Variants in DSE observed in about 807,000 individuals in gnomAD.
The protein encoded by DSE is dermatan sulfate epimerase, also known as dermatan-sulfate epimerase.
In DSE, 36 loss-of-function variants were observed where a neutral mutation model predicts 84.4. The observed-to-expected ratio is 0.43, with a 90% CI of 0.33 to 0.56. The LOEUF (loss-of-function observed/expected upper bound fraction) is 0.56, where lower values mean the gene tolerates loss of function less well. Among genes scored for constraint, DSE ranks in the 20% least tolerant of loss-of-function variants. The probability of loss-of-function intolerance (pLI) is 0.06; values close to 1 mark genes in which losing one functional copy is unlikely to be tolerated. For synonymous variants in DSE, 410 were observed against 430.1 expected (o/e 0.95, Z 0.58); for missense variants, 862 against 1,169.6 (o/e 0.74, Z 3.84).
chr6:116,369,016 G>C (rs963489431), upstream of DSE, among the ~76,000 whole-genome samples: 2 of 152,116 alleles, frequency 1.3e-5, no homozygotes, highest in Non-Finnish European at 2.9e-5. Flanking sequence ...AAATTGTGGG[G>C]GGTGTGAGGG....
intron 2 of DSE, among the ~76,000 whole-genome samples, chr6:116,310,372 CT>C (rs560238416): frequency 0.015 from 2,288 of 149,028 alleles, 30 homozygotes; most frequent in Middle Eastern, 0.048. Flanking sequence ...CAAAATAATT[CT>C]TTTTTTTTTC....
intron 2 of DSE, among the ~76,000 whole-genome samples, chr6:116,336,522 G>A (rs557227718): frequency 1.3e-5 from 2 of 152,262 alleles, no homozygotes; most frequent in African/African-American, 4.8e-5. Context: ...TTGGGAGGCC[G>A]AGGCAGGCGG....
chr6:116,322,942 T>C, intron 2 of DSE, among the ~76,000 whole-genome samples: 1 of 152,206 alleles, frequency 6.6e-6, no homozygotes, highest in Non-Finnish European at 1.5e-5. Context: ...AGCATTTTTT[T>C]GCTTCCTGGC....
chr6:116,368,782 T>G (rs987183174), upstream of DSE, among the ~76,000 whole-genome samples: 1 of 152,224 alleles, frequency 6.6e-6, no homozygotes, highest in Non-Finnish European at 1.5e-5. Context: ...TCCTGAGAGC[T>G]TTCCTAATGG....
At chr6:116,303,860 G>A (rs1775183207) in intron 2 of DSE, among the ~76,000 whole-genome samples, 1 of 152,182 alleles carries the variant, frequency 6.6e-6, no homozygotes, top group African/African-American at 2.4e-5. Flanking sequence ...TGGGGGCCCG[G>A]TGCGGTGGCT....
chr6:116,436,795 G>A lies in DSE; in HGVS notation c.2327G>A (p.Arg776His), dbSNP rs375417242. ...NTASFRKTAE[R>H]LLRFSDKRQT... is the part of the protein sequence containing the mutation. Reference sequence around the variant, plus strand: ...GCTAGCTTTAGGAAGACTGCTGAACGCCTGCTGAGATTTTCAGATAAGAGA... The same window carrying A: ...GCTAGCTTTAGGAAGACTGCTGAACACCTGCTGAGATTTTCAGATAAGAGA... The change falls in exon 6 of 6, where the codon CGC (arginine) becomes CAC (histidine). Residue 776 changes from arginine (R) to histidine (H), a missense_variant. By Grantham distance (29) the Arg-to-His change is conservative (BLOSUM62 0). This residue lies in a region of DSE where 315 missense variants were observed against 348.1 expected (regional missense o/e 0.90). Coordinates refer to ENST00000644252, the MANE Select transcript of DSE (RefSeq NM_013352.4). 1.4e-5 allele frequency: 23 copies of A among 1,614,028 alleles called. No individual in the cohort carries two copies. Among genetic ancestry groups the A allele is most frequent in the African/African-American group, 2.7e-5 (2 of 74,914 alleles).
At chr6:116,287,212 A>G (rs185964730) in intron 2 of DSE, among the ~76,000 whole-genome samples, 45 of 152,208 alleles carry the variant, frequency 3.0e-4, no homozygotes, top group African/African-American at 3.4e-4. Flanking sequence ...TCATCAAAAC[A>G]CTTGATAGCA....
intron 3 of DSE, among the ~76,000 whole-genome samples, chr6:116,427,032 A>G (rs1037727331): frequency 6.6e-6 from 1 of 152,216 alleles, no homozygotes; most frequent in Non-Finnish European, 1.5e-5. Context: ...ATTAGCCGGC[A>G]TGTTATCTAA....
chr6:116,320,550 C>T (rs1029044972), intron 2 of DSE, among the ~76,000 whole-genome samples: 4 of 151,942 alleles, frequency 2.6e-5, no homozygotes, highest in African/African-American at 9.7e-5. Flanking sequence ...TATTAGTTTG[C>T]TTGCGCTGCC....
At chr6:116,305,376 C>A (rs1296127567) in intron 2 of DSE, among the ~76,000 whole-genome samples, 1 of 152,008 alleles carries the variant, frequency 6.6e-6, no homozygotes, top group Non-Finnish European at 1.5e-5. Context: ...TAAAAGTTCT[C>A]ACTATTAAAG....
intron 1 of DSE, among the ~76,000 whole-genome samples, chr6:116,396,463 G>T (rs745654043): frequency 6.6e-5 from 10 of 152,154 alleles, no homozygotes; most frequent in Admixed American, 1.3e-4. Context: ...TGATTGTTCT[G>T]CAGAATCTCT....
Position 116,374,360 on chromosome 6 carries a change from A to G in DSE, c.-54+3239A>G, listed in dbSNP as rs528698994. On this transcript the variant is annotated intron_variant, in intron 1 of 5. Coordinates refer to ENST00000644252, the MANE Select transcript of DSE (RefSeq NM_013352.4). ...ATGTGTTTGTGGCAGGCCTTTGAGG[A>G]GAGCCAGAATCTGTGGTAGAGGGAA... Among the ~76,000 whole-genome samples the G allele has an allele frequency of 1.9e-3, 291 of 152,280 alleles. 3 individuals are homozygous for G. Among genetic ancestry groups the G allele is most frequent in the Non-Finnish European group, 3.4e-3 (234 of 68,014 alleles).
intron 2 of DSE, among the ~76,000 whole-genome samples, chr6:116,266,584 A>G (rs1772639017): frequency 6.6e-6 from 1 of 152,232 alleles, no homozygotes. Flanking sequence ...TAGTGAAACT[A>G]GTTTATTTCA....
intron 2 of DSE, among the ~76,000 whole-genome samples, chr6:116,332,972 A>G (rs1777039318): frequency 6.6e-6 from 1 of 152,234 alleles, no homozygotes; most frequent in Non-Finnish European, 1.5e-5. Context: ...AACCACAGTT[A>G]TATACCATCA....
chr6:116,285,207 C>T (rs973293420), intron 2 of DSE, among the ~76,000 whole-genome samples: 4 of 152,158 alleles, frequency 2.6e-5, no homozygotes, highest in African/African-American at 9.7e-5. Context: ...TTAATGATCG[C>T]CATTCTAACT....
intron 2 of DSE, among the ~76,000 whole-genome samples, chr6:116,323,587 A>G (rs1306513950): frequency 6.6e-6 from 1 of 152,126 alleles, no homozygotes; most frequent in Admixed American, 6.5e-5. Flanking sequence ...ATTATGATCT[A>G]TTTTACTCAT....
intron 2 of DSE, among the ~76,000 whole-genome samples, chr6:116,327,788 G>C (rs1029444338): frequency 7.2e-5 from 11 of 152,004 alleles, no homozygotes; most frequent in Admixed American, 6.6e-4. Flanking sequence ...TAATTTTGAG[G>C]GCAGTTGAAA....
At chr6:116,403,334 A>G (rs1409732358) in intron 2 of DSE, among the ~76,000 whole-genome samples, 3 of 152,036 alleles carry the variant, frequency 2.0e-5, no homozygotes, top group Admixed American at 1.3e-4. Flanking sequence ...ATTTTAATCC[A>G]ATATATAATG....
chr6:116,259,703 T>C (rs192628224), intron 2 of DSE, among the ~76,000 whole-genome samples: 209 of 152,356 alleles, frequency 1.4e-3, no homozygotes, highest in African/African-American at 4.6e-3. Flanking sequence ...CCATGTGTTC[T>C]CATCATTTAG....
Sources: gnomAD v4.1 joint callset for allele counts (sites outside exome capture counted in the v4.1 genomes callset) on GRCh38, gnomAD v4.1.1 for gene constraint, gnomAD v4.1.1 regional missense constraint, MANE v1.5 for transcripts, NCBI Gene and HGNC (gene_info 2026-07-23, HGNC 2026-07-21) for gene names.